GRAMD2B: variants seen among roughly 807,000 people sequenced by gnomAD.
GRAMD2B encodes the protein GRAM domain-containing protein 2B.
In GRAMD2B, 41 loss-of-function variants were observed where a neutral mutation model predicts 59.2. The observed-to-expected ratio is 0.69, with a 90% CI of 0.54 to 0.90. The LOEUF is 0.90. GRAMD2B is among the 40% of genes least tolerant of loss of function. The pLI is 0.00. For missense variants in GRAMD2B, 424 were observed against 500.5 expected (o/e 0.85, Z 1.46); for synonymous variants, 161 against 182.7 (o/e 0.88, Z 0.96).
intron 1 of GRAMD2B, among the ~76,000 whole-genome samples, chr5:126,413,433 C>T (rs890289519): frequency 6.6e-6 from 1 of 151,848 alleles, no homozygotes; most frequent in Non-Finnish European, 1.5e-5. Flanking sequence ...TTCTTGGAAT[C>T]GATTTTCATT....
intron 1 of GRAMD2B, among the ~76,000 whole-genome samples, chr5:126,391,405 A>G (rs888719682): frequency 1.3e-5 from 2 of 151,986 alleles, no homozygotes; most frequent in African/African-American, 4.8e-5. Flanking sequence ...CCAAATAACA[A>G]TAATGCTTGT....
upstream of GRAMD2B, among the ~76,000 whole-genome samples, chr5:126,367,485 G>C (rs897104050): frequency 6.6e-6 from 1 of 151,820 alleles, no homozygotes; most frequent in Non-Finnish European, 1.5e-5. Flanking sequence ...AGAGGAAAAG[G>C]AGGGAGAGGA....
intron 1 of GRAMD2B, among the ~76,000 whole-genome samples, chr5:126,378,697 C>T (rs554057612): frequency 2.6e-5 from 4 of 152,116 alleles, no homozygotes; most frequent in South Asian, 2.1e-4. Context: ...TCTCAGCTAG[C>T]GGAATGAACT....
intron 1 of GRAMD2B, among the ~76,000 whole-genome samples, chr5:126,417,429 T>A (rs545278353): frequency 4.7e-4 from 72 of 152,346 alleles, no homozygotes; most frequent in South Asian, 1.2e-3. Context: ...TCAGCTAGCC[T>A]TCAGCTCTTC....
At chr5:126,370,542 C>A (rs775605051), upstream of GRAMD2B, among the ~76,000 whole-genome samples, 1 of 152,144 alleles carries the variant, frequency 6.6e-6, no homozygotes, top group Non-Finnish European at 1.5e-5. Flanking sequence ...GAACATTTGT[C>A]GCATGAAGAA....
chr5:126,465,364 G>A (rs752746364), intron 1 of GRAMD2B, 62 bp from the exon 2 acceptor site: 10 of 1,607,220 alleles, frequency 6.2e-6, no homozygotes, highest in African/African-American at 2.7e-5. Flanking sequence ...TTACTTCATC[G>A]TTTTCCTTCC....
At position 126,458,287 on chromosome 5, in the gene GRAMD2B, T is replaced by C. The variant is rs1161087247; in HGVS notation, c.84-7139T>C. ...CTGTCTCTAAGAAAAATATAAAAATTAGCCAGGCATGGTGTTGTGCGCCTG... is the reference window on the plus strand; with the variant it reads ...CTGTCTCTAAGAAAAATATAAAAATCAGCCAGGCATGGTGTTGTGCGCCTG... On this transcript the variant is annotated intron_variant, in intron 1 of 13. Transcript: ENST00000285689. 2.0e-5 allele frequency among the ~76,000 whole-genome samples: 3 copies of C among 151,960 alleles called. No individual in the cohort carries two copies. In the East Asian group the frequency reaches 5.8e-4, roughly 29 times the overall value.
At chr5:126,480,011 G>A (rs1771415489) in intron 6 of GRAMD2B, 1 of 153,994 alleles carries the variant, frequency 6.5e-6, no homozygotes, top group Non-Finnish European at 1.4e-5. Context: ...CCACTGGGAA[G>A]TTTTCAGTGG....
chr5:126,429,106 TCTTCACAATAGCAAAGACATG>T (rs1156776735), intron 1 of GRAMD2B, among the ~76,000 whole-genome samples: 1 of 152,156 alleles, frequency 6.6e-6, no homozygotes, highest in Non-Finnish European at 1.5e-5. Flanking sequence ...ACTGCAGCAC[TCTTCACAATAGCAAAGACATG>T]GAATCAACCT....
chr5:126,457,643 AT>A (rs1428417473), intron 1 of GRAMD2B, among the ~76,000 whole-genome samples: 1 of 151,984 alleles, frequency 6.6e-6, no homozygotes, highest in Non-Finnish European at 1.5e-5. Context: ...GGGGAAAAAA[AT>A]TGTATATATA....
At chr5:126,404,194 C>T (rs1758065656) in intron 1 of GRAMD2B, among the ~76,000 whole-genome samples, 1 of 151,848 alleles carries the variant, frequency 6.6e-6, no homozygotes, top group South Asian at 2.1e-4. Context: ...CTCAACACAA[C>T]CCAAGGAAAT....
chr5:126,451,283 G>T (rs907669158), intron 1 of GRAMD2B, among the ~76,000 whole-genome samples: 2 of 152,204 alleles, frequency 1.3e-5, no homozygotes, highest in Non-Finnish European at 2.9e-5. Flanking sequence ...CATTTGCATT[G>T]CTATAAAAGA....
At position 126,457,315 on chromosome 5, in the gene GRAMD2B, T is replaced by TA. The variant is rs1766491559; in HGVS notation, c.84-8109dup. 2.6e-5 allele frequency among the ~76,000 whole-genome samples: 4 copies of TA among 151,992 alleles called. 1 individual carries two copies. In the South Asian group the frequency reaches 8.3e-4, roughly 32 times the overall value. ...TTGATGCTATCTTACTTTGGTCCCT[T>TA]AATGCTTTATCTCTTTTGGTTAAAT... On this transcript the variant is annotated intron_variant, in intron 1 of 13. Coordinates refer to ENST00000285689, the MANE Select transcript of GRAMD2B (RefSeq NM_023927.4).
At chr5:126,390,367 T>C (rs922013645) in intron 1 of GRAMD2B, among the ~76,000 whole-genome samples, 16 of 152,252 alleles carry the variant, frequency 1.1e-4, no homozygotes, top group African/African-American at 3.6e-4. Context: ...TTCCTACTTA[T>C]ATCCAACTGA....
chr5:126,416,324 C>T (rs1004550998), intron 1 of GRAMD2B, among the ~76,000 whole-genome samples: 4 of 151,952 alleles, frequency 2.6e-5, no homozygotes, highest in South Asian at 2.1e-4. Context: ...ATTTCTTTTT[C>T]GCTTACTTCT....
At chr5:126,428,692 T>C (rs1761016568) in intron 1 of GRAMD2B, among the ~76,000 whole-genome samples, 1 of 152,198 alleles carries the variant, frequency 6.6e-6, no homozygotes, top group Non-Finnish European at 1.5e-5. Flanking sequence ...AAGTCAGCTA[T>C]TTGATACAGG....
chr5:126,399,438 C>T (rs914954927), intron 1 of GRAMD2B, among the ~76,000 whole-genome samples: 2 of 152,080 alleles, frequency 1.3e-5, no homozygotes, highest in East Asian at 3.9e-4. Flanking sequence ...TTCCCCTGTG[C>T]TGTTCTTGTA....
chr5:126,479,023 C>T (rs935622723), intron 6 of GRAMD2B, among the ~76,000 whole-genome samples: 3 of 152,168 alleles, frequency 2.0e-5, no homozygotes, highest in Non-Finnish European at 4.4e-5. Context: ...ATTGGGCTAC[C>T]ACAGACATGC....
At chr5:126,429,183 T>TA (rs1204297115) in intron 1 of GRAMD2B, among the ~76,000 whole-genome samples, 6 of 152,134 alleles carry the variant, frequency 3.9e-5, no homozygotes, top group Non-Finnish European at 7.3e-5. Context: ...ATGGTATATA[T>TA]ACACCATGGA....
Sources: allele counts gnomAD v4.1 joint callset (sites outside exome capture counted in the v4.1 genomes callset), GRCh38; gene constraint gnomAD v4.1.1; transcripts MANE v1.5; gene names NCBI Gene and HGNC (gene_info 2026-07-23, HGNC 2026-07-21).